The following MYOT variants were observed in gnomAD, a reference collection of about 807,000 sequenced individuals.
MYOT encodes myotilin.
MYOT carries 36 observed loss-of-function variants against 58.0 expected under a neutral mutation model. The ratio of observed to expected loss-of-function variants is 0.62; its 90% CI spans 0.48 to 0.82. MYOT has a LOEUF of 0.82. Ranked by LOEUF, MYOT falls within the 40% of genes least tolerant of loss-of-function variation. The pLI, the probability that MYOT is intolerant of heterozygous loss-of-function variation, is 0.00. For synonymous variants in MYOT, 218 were observed against 204.6 expected (o/e 1.07, Z -0.56); for missense variants, 505 against 592.1 (o/e 0.85, Z 1.53).
intron 2 of MYOT, among the ~76,000 whole-genome samples, chr5:137,872,495 GC>G (rs1755081454): frequency 6.6e-6 from 1 of 152,232 alleles, no homozygotes; most frequent in African/African-American, 2.4e-5. Flanking sequence ...AAGAAATAAA[GC>G]CTAGGAGGTC....
intron 7 of MYOT, among the ~76,000 whole-genome samples, chr5:137,884,396 C>T (rs374751837): frequency 1.3e-5 from 2 of 152,216 alleles, no homozygotes; most frequent in Admixed American, 6.5e-5. Context: ...CAACTTTTAG[C>T]CTTAGACTAT....
chr5:137,870,484 G>T lies in MYOT; in HGVS notation c.-168G>T. On this transcript the variant is annotated 5_prime_UTR_variant, in exon 2 of 10. Coordinates refer to ENST00000239926, the MANE Select transcript of MYOT (RefSeq NM_006790.3). ...GAAGGTCACTCTACCAAAGCCAGGA[G>T]CACAGTATTCTCAGGATCTCAACAA... 1.4e-6 allele frequency: 1 copy of T among 689,736 alleles called. No homozygotes were observed. The highest frequency in any genetic ancestry group is 2.6e-6 in the Non-Finnish European group (1 of 382,150). The allele number at this position is 689,736 out of a possible 1,614,324, so 42.7% of individuals were successfully genotyped here.
chr5:137,886,801 C>A, intron 8 of MYOT, 63 bp from the exon 9 acceptor site: 1 of 1,204,470 alleles, frequency 8.3e-7, no homozygotes, highest in South Asian at 1.3e-5. Flanking sequence ...GACTGTTGGT[C>A]AGAGACATCC....
At chr5:137,868,420 GAATTA>G (rs1185752284) in intron 1 of MYOT, among the ~76,000 whole-genome samples, 1 of 152,080 alleles carries the variant, frequency 6.6e-6, no homozygotes, top group African/African-American at 2.4e-5. Context: ...ATCTATTATA[GAATTA>G]AATTGTTGAA....
chr5:137,874,368 G>A (rs553854427), intron 2 of MYOT, among the ~76,000 whole-genome samples: 40 of 152,260 alleles, frequency 2.6e-4, no homozygotes, highest in Middle Eastern at 3.4e-3. Flanking sequence ...TTGGGAGGCT[G>A]AGACAGGAGA....
intron 8 of MYOT, 142 bp downstream of exon 8, chr5:137,886,355 T>C (rs1285520360): frequency 4.9e-6 from 2 of 409,698 alleles, no homozygotes; most frequent in African/African-American, 4.2e-5. Context: ...AAAATATATA[T>C]TAGATAAAAA....
At chr5:137,887,047 T>G in intron 9 of MYOT, 50 bp downstream of exon 9, 1 of 1,580,960 alleles carries the variant, frequency 6.3e-7, no homozygotes, top group Non-Finnish European at 8.7e-7. Flanking sequence ...ACTAGGAAGA[T>G]TTAATAAGAA....
chr5:137,871,393 C>A (rs1349215050), intron 2 of MYOT, among the ~76,000 whole-genome samples: 1 of 152,202 alleles, frequency 6.6e-6, no homozygotes. Flanking sequence ...AAGATGAACA[C>A]CTGTCTGCTC....
chr5:137,883,096 G>C, intron 6 of MYOT: 1 of 370,494 alleles, frequency 2.7e-6, no homozygotes, highest in South Asian at 2.5e-5. Flanking sequence ...GGAAACCAAT[G>C]TAACATAAAT....
At chr5:137,886,827 T>C (rs1425653954) in intron 8 of MYOT, 37 bp from the exon 9 acceptor site, 1 of 1,427,374 alleles carries the variant, frequency 7.0e-7, no homozygotes, top group Non-Finnish European at 9.9e-7. Context: ...ACAGAAATAA[T>C]TCCTGTACTT....
rs1163021689 is a variant in MYOT at position 137,883,196 on chromosome 5, T to C, written c.817-188T>C. ...GGTTTGAGACAGTCTAAAAATACTA[T>C]GTTAATTTCAAGGATCTTATTTCCA... On this transcript the variant is annotated intron_variant, in intron 6 of 9. Coordinates refer to ENST00000239926, the MANE Select transcript of MYOT (RefSeq NM_006790.3). 17 of 595,440 alleles carry C rather than the reference T, an allele frequency of 2.9e-5. No homozygotes were observed. In the Admixed American group the frequency reaches 3.4e-4, roughly 12 times the overall value. 36.9% of individuals were successfully genotyped at this position (595,440 alleles called of 1,614,324 possible).
Position 137,870,614 on chromosome 5 carries a change from G to C in MYOT, c.-38G>C. The C allele has an allele frequency of 6.5e-7, 1 of 1,540,578 alleles. No individual in the cohort carries two copies. Among genetic ancestry groups the C allele is most frequent in the South Asian group, 1.1e-5 (1 of 89,586 alleles). ...ACCCTTCCAGGAACAAATCATTATA[G>C]TAATAATTTGCCTTCATCTTCCATA... On this transcript the variant is annotated 5_prime_UTR_variant, in exon 2 of 10. Coordinates refer to ENST00000239926, the MANE Select transcript of MYOT (RefSeq NM_006790.3).
intron 1 of MYOT, among the ~76,000 whole-genome samples, chr5:137,868,283 CTA>C (rs899064156): frequency 2.0e-5 from 3 of 151,992 alleles, no homozygotes; most frequent in Non-Finnish European, 4.4e-5. Context: ...CAAGTCTATG[CTA>C]TATTAGAGAC....
chr5:137,870,386 T>C (rs1461020406), intron 1 of MYOT, 55 bp from the exon 2 acceptor site: 1 of 548,580 alleles, frequency 1.8e-6, no homozygotes, highest in Admixed American at 3.1e-5. Context: ...AGATGTCAAA[T>C]AAACAATGTT....
intron 1 of MYOT, among the ~76,000 whole-genome samples, chr5:137,868,673 G>A (rs1754947158): frequency 6.6e-6 from 1 of 152,156 alleles, no homozygotes; most frequent in Non-Finnish European, 1.5e-5. Flanking sequence ...TATTTCATAA[G>A]CGGTTTATTC....
In MYOT at chr5:137,880,873, A is replaced by T. The variant is rs1407363260; in HGVS notation, c.683+8A>T. ...TCCTACATCACAAGTAAGGTAAAAAATTTTAATTTTAAAGAAATGTATGTT... is the reference window on the plus strand; with the variant it reads ...TCCTACATCACAAGTAAGGTAAAAATTTTTAATTTTAAAGAAATGTATGTT... On this transcript the variant is annotated splice_region_variant and intron_variant, in intron 5 of 9. Coordinates refer to ENST00000239926, the MANE Select transcript of MYOT (RefSeq NM_006790.3). 3.2e-6 allele frequency: 5 copies of T among 1,577,282 alleles called. No homozygotes were observed. The highest frequency in any genetic ancestry group is 4.4e-6 in the Non-Finnish European group (5 of 1,148,964).
intron 3 of MYOT, among the ~76,000 whole-genome samples, chr5:137,877,088 G>A (rs1472500783): frequency 1.3e-5 from 2 of 151,424 alleles, no homozygotes; most frequent in African/African-American, 2.4e-5. Context: ...AATAGAATCA[G>A]CCGAGCGCAG....
At chr5:137,886,285 T>C in intron 8 of MYOT, 72 bp downstream of exon 8, 1 of 1,111,270 alleles carries the variant, frequency 9.0e-7, no homozygotes, top group Non-Finnish European at 1.3e-6. Flanking sequence ...ACATGCATTA[T>C]AAATGGCATG....
intron 1 of MYOT, 113 bp from the exon 2 acceptor site, chr5:137,870,322 CACACAA>C (rs1755005263): frequency 2.5e-6 from 1 of 407,380 alleles, no homozygotes; most frequent in South Asian, 2.1e-5. Flanking sequence ...CACACACACA[CACACAA>C]AAGGAAGGAA....
Sources: gnomAD v4.1 joint callset for allele counts (sites outside exome capture counted in the v4.1 genomes callset) on GRCh38, gnomAD v4.1.1 for gene constraint, MANE v1.5 for transcripts, NCBI Gene and HGNC (gene_info 2026-07-23, HGNC 2026-07-21) for gene names.